The following ADAMTS3 variants were observed in gnomAD, a reference collection of about 807,000 sequenced individuals.
ADAMTS3 encodes the protein ADAM metallopeptidase with thrombospondin type 1 motif 3.
Under a neutral mutation model 129.0 loss-of-function variants are expected in ADAMTS3, and 73 were observed. The observed-to-expected ratio is 0.57, with a 90% CI of 0.47 to 0.69. The LOEUF is 0.69. Among genes scored for constraint, ADAMTS3 ranks in the 30% least tolerant of loss-of-function variants. The probability of loss-of-function intolerance (pLI) is 0.00; values close to 1 mark genes in which losing one functional copy is unlikely to be tolerated. For synonymous variants in ADAMTS3, 477 were observed against 510.8 expected (o/e 0.93, Z 0.89); for missense variants, 1,457 against 1,514.5 (o/e 0.96, Z 0.63).
At chr4:72,379,041 T>TTACTC (rs1390218916) in intron 4 of ADAMTS3, among the ~76,000 whole-genome samples, 1 of 152,146 alleles carries the variant, frequency 6.6e-6, no homozygotes, top group Non-Finnish European at 1.5e-5. Flanking sequence ...ACATGGCTGC[T>TTACTC]TACTCTCTTC....
chr4:72,524,590 T>G (rs1041224214), intron 3 of ADAMTS3, among the ~76,000 whole-genome samples: 1 of 152,062 alleles, frequency 6.6e-6, no homozygotes, highest in East Asian at 1.9e-4. Flanking sequence ...ATTTTACTAA[T>G]GAGGAAACAG....
chr4:72,447,669 C>G (rs1718294359), intron 3 of ADAMTS3, among the ~76,000 whole-genome samples: 1 of 151,744 alleles, frequency 6.6e-6, no homozygotes, highest in Non-Finnish European at 1.5e-5. Flanking sequence ...TTGCCCCACA[C>G]TCCATCTTCA....
intron 4 of ADAMTS3, among the ~76,000 whole-genome samples, 170 bp from the exon 5 acceptor site, chr4:72,339,863 G>C (rs1017387244): frequency 1.3e-5 from 2 of 152,148 alleles, no homozygotes; most frequent in African/African-American, 4.8e-5. Context: ...CGATCAGACA[G>C]ACCTGCTACA....
At chr4:72,455,909 T>TATATATATTTTATATATA (rs1560522098) in intron 3 of ADAMTS3, among the ~76,000 whole-genome samples, 7 of 66,554 alleles carry the variant, frequency 1.1e-4, no homozygotes, top group African/African-American at 4.5e-4. Context: ...GTATATACAC[T>TATATATATTTTATATATA]GTATATATAC....
chr4:72,514,627 G>C (rs547326002), intron 3 of ADAMTS3, among the ~76,000 whole-genome samples: 25 of 152,216 alleles, frequency 1.6e-4, no homozygotes, highest in Non-Finnish European at 3.1e-4. Flanking sequence ...CCTGTAGTTA[G>C]TATTCACTAC....
intron 4 of ADAMTS3, among the ~76,000 whole-genome samples, chr4:72,408,914 C>CG (rs1446303206): frequency 6.6e-6 from 1 of 150,386 alleles, no homozygotes; most frequent in Non-Finnish European, 1.5e-5. Context: ...CAGGGCCGGT[C>CG]GGGGGGTGGG....
intron 1 of ADAMTS3, 47 bp from the exon 2 acceptor site, chr4:72,567,448 T>A: frequency 6.3e-7 from 1 of 1,578,598 alleles, no homozygotes; most frequent in Non-Finnish European, 8.7e-7. Context: ...CTGGGTTTCA[T>A]CTTATCACCT....
At chr4:72,468,714 A>C (rs1466399096) in intron 3 of ADAMTS3, among the ~76,000 whole-genome samples, 1 of 151,904 alleles carries the variant, frequency 6.6e-6, no homozygotes, top group Non-Finnish European at 1.5e-5. Flanking sequence ...CATCACAACA[A>C]AGTTAAATTA....
chr4:72,489,769 TG>T (rs1719691686), intron 3 of ADAMTS3, among the ~76,000 whole-genome samples: 1 of 151,914 alleles, frequency 6.6e-6, no homozygotes, highest in Non-Finnish European at 1.5e-5. Context: ...TAGGCATGTA[TG>T]TGCAGGAAAA....
At chr4:72,416,233 T>C (rs1722302961) in intron 3 of ADAMTS3, among the ~76,000 whole-genome samples, 1 of 72,874 alleles carries the variant, frequency 1.4e-5, no homozygotes, top group African/African-American at 4.3e-5. Context: ...ATTTAGCAAA[T>C]ATGCCTATGA....
intron 3 of ADAMTS3, among the ~76,000 whole-genome samples, chr4:72,463,952 T>A (rs918156899): frequency 1.4e-4 from 22 of 151,746 alleles, no homozygotes; most frequent in African/African-American, 5.1e-4. Context: ...GACAAACAAA[T>A]GGGTCTTGGC....
chr4:72,469,735 A>G (rs556646117), intron 3 of ADAMTS3, among the ~76,000 whole-genome samples: 1 of 152,202 alleles, frequency 6.6e-6, no homozygotes, highest in African/African-American at 2.4e-5. Context: ...CCCTTAGCCT[A>G]TTCACTGTGA....
At chr4:72,313,867 TA>T in intron 11 of ADAMTS3, 45 bp from the exon 12 acceptor site, 1 of 1,606,506 alleles carries the variant, frequency 6.2e-7, no homozygotes. Flanking sequence ...ACGCATACAC[TA>T]AAGCTGAAGT....
At chr4:72,363,158 G>C (rs1720771684) in intron 4 of ADAMTS3, among the ~76,000 whole-genome samples, 1 of 151,940 alleles carries the variant, frequency 6.6e-6, no homozygotes, top group African/African-American at 2.4e-5. Flanking sequence ...GAGGAAGAAA[G>C]TCAAGTATGG....
chr4:72,435,473 C>A (rs576565536), intron 3 of ADAMTS3, among the ~76,000 whole-genome samples: 1 of 151,838 alleles, frequency 6.6e-6, no homozygotes, highest in South Asian at 2.1e-4. Flanking sequence ...TTTTAAAAAA[C>A]CCTGCATTTT....
Position 72,414,893 on chromosome 4 carries a change from C to A in ADAMTS3, c.583G>T (p.Gly195Ter), listed in dbSNP as rs1430514775. ...CTCTTGTAGACAACATGAATCCTTC[C>A]TTTTTCTTCCTCCATCTGTTTACCT... Reference protein sequence around the residue: ...ERGKQMEEEKGRIHVVYKRSA... With the variant: ...ERGKQMEEEK Residue 195 changes from glycine (G) to a stop codon, truncating the protein, a stop_gained, in exon 4 of 22, where the codon GGA becomes TGA. Transcript: ENST00000286657. LOFTEE classifies it high-confidence loss of function. 6.3e-7 allele frequency: 1 copy of A among 1,585,076 alleles called. No individual in the cohort carries two copies. The highest frequency in any genetic ancestry group is 8.6e-7 in the Non-Finnish European group (1 of 1,167,380).
Position 72,339,500 on chromosome 4 carries a change from C to G in ADAMTS3, c.855G>C (p.Met285Ile). 6.2e-7 allele frequency: 1 copy of G among 1,613,786 alleles called. No individual in the cohort carries two copies. The highest frequency in any genetic ancestry group is 1.1e-5 in the South Asian group (1 of 91,064). The change falls in exon 5 of 22, where the codon ATG becomes ATC. Residue 285 changes from methionine (M) to isoleucine (I), a missense_variant. Coordinates refer to ENST00000286657, the MANE Select transcript of ADAMTS3 (RefSeq NM_014243.3). ...AAAAGGAGTCACTACTCACAATGTTCATTAGGGTCAGGAGGTAGTTTTGGA... is the reference window on the plus strand; with the variant it reads ...AAAAGGAGTCACTACTCACAATGTTGATTAGGGTCAGGAGGTAGTTTTGGA... ...EHVQNYLLTL[M>I]NIVNEIYHDE...
chr4:72,395,701 A>T (rs2109899149), intron 4 of ADAMTS3, among the ~76,000 whole-genome samples: 1 of 152,350 alleles, frequency 6.6e-6, no homozygotes, highest in Middle Eastern at 3.4e-3. Context: ...AGTATGGGGA[A>T]AAAGAATCTC....
At chr4:72,565,592 C>A (rs1303927278) in intron 2 of ADAMTS3, among the ~76,000 whole-genome samples, 1 of 152,158 alleles carries the variant, frequency 6.6e-6, no homozygotes, top group Non-Finnish European at 1.5e-5. Flanking sequence ...CTTCATTCAA[C>A]TGGAAAACGA....
Sources: allele counts gnomAD v4.1 joint callset (sites outside exome capture counted in the v4.1 genomes callset), GRCh38; gene constraint gnomAD v4.1.1; transcripts MANE v1.5; gene names NCBI Gene and HGNC (gene_info 2026-07-23, HGNC 2026-07-21).